Variants in CDH13 observed in about 807,000 individuals in gnomAD.
CDH13 encodes cadherin 13, also known as cadherin-13.
Under a neutral mutation model 63.8 loss-of-function variants are expected in CDH13, and 24 were observed. The observed-to-expected ratio is 0.38, with a 90% CI of 0.27 to 0.53. CDH13 has a LOEUF of 0.53. Among genes scored for constraint, CDH13 ranks in the 20% least tolerant of loss-of-function variants. The pLI is 0.85. For missense variants in CDH13, 1,049 were observed against 903.1 expected, an observed-to-expected ratio of 1.16 and a Z score of -2.07; for synonymous variants, 503 against 355.3, an observed-to-expected ratio of 1.42 and a Z score of -4.67.
At chr16:82,962,093 C>T (rs935766616) in intron 2 of CDH13, among the ~76,000 whole-genome samples, 1 of 152,170 alleles carries the variant, frequency 6.6e-6, no homozygotes, top group Non-Finnish European at 1.5e-5. Context: ...TGAATGTGAG[C>T]TTATTTGGCA....
intron 3 of CDH13, among the ~76,000 whole-genome samples, chr16:83,039,274 C>T (rs1038903422): frequency 6.6e-6 from 1 of 152,210 alleles, no homozygotes; most frequent in Non-Finnish European, 1.5e-5. Flanking sequence ...GGGATAAATT[C>T]TAAAGACAGC....
chr16:83,684,155 T>C (rs754640390), intron 10 of CDH13, among the ~76,000 whole-genome samples: 26 of 152,102 alleles, frequency 1.7e-4, no homozygotes, highest in Admixed American at 1.0e-3. Flanking sequence ...TCACTTGAGA[T>C]CAGGAGTTCG....
At chr16:83,450,155 G>A (rs533673496) in intron 6 of CDH13, among the ~76,000 whole-genome samples, 5 of 152,294 alleles carry the variant, frequency 3.3e-5, no homozygotes, top group Admixed American at 2.6e-4. Flanking sequence ...TTTGCCAGAC[G>A]GTGGAGAAAG....
At chr16:83,733,543 G>A (rs769931434) in intron 10 of CDH13, among the ~76,000 whole-genome samples, 1 of 152,158 alleles carries the variant, frequency 6.6e-6, no homozygotes, top group Non-Finnish European at 1.5e-5. Flanking sequence ...AAGTCATAAT[G>A]CGAGGCTCAG....
At chr16:83,247,732 C>G (rs1002867162) in intron 5 of CDH13, among the ~76,000 whole-genome samples, 3 of 152,124 alleles carry the variant, frequency 2.0e-5, no homozygotes, top group Non-Finnish European at 4.4e-5. Flanking sequence ...TTGGAGTCCA[C>G]CCCACCTATA....
At chr16:82,748,322 A>T (rs77137800) in intron 1 of CDH13, among the ~76,000 whole-genome samples, 2,319 of 152,294 alleles carry the variant, frequency 0.015, 60 homozygotes, top group African/African-American at 0.052. Flanking sequence ...CAATTAATTT[A>T]CTATGCAGAG....
intron 6 of CDH13, among the ~76,000 whole-genome samples, chr16:83,410,013 T>A (rs1191804050): frequency 6.6e-6 from 1 of 152,234 alleles, no homozygotes; most frequent in Non-Finnish European, 1.5e-5. Flanking sequence ...ACAACTTTTA[T>A]CAAAATGTAT....
At chr16:82,655,543 C>A (rs1911199258) in intron 1 of CDH13, among the ~76,000 whole-genome samples, 1 of 152,024 alleles carries the variant, frequency 6.6e-6, no homozygotes, top group Non-Finnish European at 1.5e-5. Flanking sequence ...GATTAGGCTG[C>A]AGGGAGGGTG....
At chr16:83,309,937 G>C (rs7188692) in intron 5 of CDH13, among the ~76,000 whole-genome samples, 66,375 of 151,574 alleles carry the variant, frequency 0.44, 14,596 homozygotes, top group East Asian at 0.5. Flanking sequence ...CTCTCCCTCA[G>C]CATAAAGGAA....
rs114722864 is a variant in CDH13 at position 83,109,314 on chromosome 16, C to G, written c.367-16071C>G. 6.3e-3 allele frequency among the ~76,000 whole-genome samples: 954 copies of G among 152,140 alleles called. 11 individuals are homozygous for G. The highest frequency in any genetic ancestry group is 0.022 in the African/African-American group (905 of 41,486). On this transcript the variant is annotated intron_variant, in intron 3 of 13. Transcript: ENST00000567109. ...TGCAGTATGGTGGGAACCAAAGAAG[C>G]CTTTCATACGATGTGAGTGTCTAAC...
chr16:83,473,952 G>A (rs1277649734), intron 6 of CDH13, among the ~76,000 whole-genome samples: 1 of 152,050 alleles, frequency 6.6e-6, no homozygotes, highest in Non-Finnish European at 1.5e-5. Context: ...ATCTGCTATG[G>A]TACGAACCCT....
At chr16:83,785,416 C>G (rs1391717238) in intron 13 of CDH13, among the ~76,000 whole-genome samples, 1 of 152,212 alleles carries the variant, frequency 6.6e-6, no homozygotes, top group Admixed American at 6.5e-5. Context: ...TCCTGACCCA[C>G]TAATTTCCCA....
At chr16:83,646,290 A>C (rs1911784858) in intron 8 of CDH13, among the ~76,000 whole-genome samples, 1 of 152,228 alleles carries the variant, frequency 6.6e-6, no homozygotes, top group Non-Finnish European at 1.5e-5. Flanking sequence ...CCACTGGGTG[A>C]GTAGCGTACC....
chr16:83,481,169 CT>C (rs1247066131), intron 6 of CDH13, among the ~76,000 whole-genome samples: 1 of 152,202 alleles, frequency 6.6e-6, no homozygotes, highest in Non-Finnish European at 1.5e-5. Flanking sequence ...CATCACACTT[CT>C]CCCTGGAAAG....
intron 7 of CDH13, among the ~76,000 whole-genome samples, chr16:83,496,040 C>A (rs2151578090): frequency 6.6e-6 from 1 of 151,430 alleles, no homozygotes; most frequent in Middle Eastern, 3.4e-3. Flanking sequence ...ACATTCCATG[C>A]TCATGGGTAG....
intron 7 of CDH13, among the ~76,000 whole-genome samples, chr16:83,518,430 C>T (rs1235755637): frequency 6.6e-6 from 1 of 150,820 alleles, no homozygotes; most frequent in African/African-American, 2.4e-5. Context: ...CAGGTGTGAG[C>T]CACCGCGCCC....
chr16:82,847,618 C>T (rs1427817546), intron 1 of CDH13, among the ~76,000 whole-genome samples: 1 of 152,186 alleles, frequency 6.6e-6, no homozygotes, highest in Non-Finnish European at 1.5e-5. Flanking sequence ...AGCTGATTCC[C>T]AACCTTAATT....
intron 13 of CDH13, among the ~76,000 whole-genome samples, chr16:83,792,731 A>G (rs1432673277): frequency 6.6e-6 from 1 of 151,728 alleles, no homozygotes; most frequent in African/African-American, 2.4e-5. Flanking sequence ...GAGACATTCT[A>G]CCACCCTGAC....
intron 5 of CDH13, among the ~76,000 whole-genome samples, chr16:83,251,112 A>T (rs894806144): frequency 6.6e-6 from 1 of 152,246 alleles, no homozygotes; most frequent in African/African-American, 2.4e-5. Flanking sequence ...ATGGAGATGG[A>T]ACTGTTTCAC....
Sources: gnomAD v4.1 joint callset for allele counts (sites outside exome capture counted in the v4.1 genomes callset) on GRCh38, gnomAD v4.1.1 for gene constraint, MANE v1.5 for transcripts, NCBI Gene and HGNC (gene_info 2026-07-23, HGNC 2026-07-21) for gene names.